Variants in JPH1 observed in about 807,000 individuals in gnomAD.
The protein encoded by JPH1 is junctophilin 1.
JPH1 carries 12 observed loss-of-function variants against 53.6 expected under a neutral mutation model. The observed-to-expected ratio is 0.22, with a 90% CI of 0.14 to 0.36. The LOEUF is 0.36. JPH1 is among the 10% of genes least tolerant of loss of function. The pLI is 1.00. For synonymous variants in JPH1, 375 were observed against 363.8 expected (o/e 1.03, Z -0.35); for missense variants, 808 against 905.5 (o/e 0.89, Z 1.38).
At chr8:74,305,063 G>A (rs1266483640) in intron 2 of JPH1, among the ~76,000 whole-genome samples, 2 of 152,236 alleles carry the variant, frequency 1.3e-5, no homozygotes, top group African/African-American at 4.8e-5. Context: ...AGAGACTGTT[G>A]TACTAAAGCT....
In JPH1 at chr8:74,320,949, C is replaced by T; in HGVS notation, c.339G>A (p.Gly113=). The change falls in exon 1 of 6, where the codon GGG becomes GGA. Residue 113 remains glycine (G), a synonymous_variant. Coordinates refer to ENST00000342232, the MANE Select transcript of JPH1 (RefSeq NM_020647.4). The surrounding 1 kb of genome is among the most constrained non-coding windows in gnomAD (Gnocchi z 4.4). ...TCTCCACGCCGTACCCGTCTTGCAG[C>T]CCGTTACTCCAGGTACCCTCGTAGC... The part of the protein sequence containing the change: ...PARYEGTWSN[G]LQDGYGVETY... 1.2e-6 allele frequency: 2 copies of T among 1,601,244 alleles called. No homozygotes were observed. Among genetic ancestry groups the T allele is most frequent in the South Asian group, 1.1e-5 (1 of 89,298 alleles).
chr8:74,294,197 G>A (rs1430917859), intron 2 of JPH1, among the ~76,000 whole-genome samples: 1 of 152,206 alleles, frequency 6.6e-6, no homozygotes, highest in Non-Finnish European at 1.5e-5. Flanking sequence ...GGACTTCTCT[G>A]TAGCCTGATT....
chr8:74,291,003 T>G (rs1183766948), intron 2 of JPH1, among the ~76,000 whole-genome samples: 1 of 152,184 alleles, frequency 6.6e-6, no homozygotes, highest in African/African-American at 2.4e-5. Flanking sequence ...AAGACTTACA[T>G]GTTAGACCTA....
At chr8:74,300,676 T>C (rs1046173482) in intron 2 of JPH1, among the ~76,000 whole-genome samples, 1 of 152,328 alleles carries the variant, frequency 6.6e-6, no homozygotes, top group South Asian at 2.1e-4. Context: ...AAAAGTAAAA[T>C]GTCAATGTTG....
At chr8:74,238,188 C>T (rs929800009) in intron 4 of JPH1, among the ~76,000 whole-genome samples, 11 of 152,048 alleles carry the variant, frequency 7.2e-5, no homozygotes, top group African/African-American at 2.7e-4. Flanking sequence ...GTTTTATTGT[C>T]CTCATTTTAC....
At chr8:74,314,748 TTAG>T in intron 2 of JPH1, 110 bp downstream of exon 2, 1 of 1,218,692 alleles carries the variant, frequency 8.2e-7, no homozygotes, top group South Asian at 1.3e-5. Flanking sequence ...CTTTGATTTT[TTAG>T]TAGTTGTAGA....
chr8:74,243,950 T>C (rs16938827), intron 4 of JPH1, among the ~76,000 whole-genome samples: 2,131 of 152,316 alleles, frequency 0.014, 66 homozygotes, highest in African/African-American at 0.049. Context: ...AGAAATTCTC[T>C]TGAACTGTTG....
At chr8:74,268,474 G>A (rs1439554812) in intron 2 of JPH1, among the ~76,000 whole-genome samples, 3 of 152,096 alleles carry the variant, frequency 2.0e-5, no homozygotes, top group Admixed American at 6.5e-5. Context: ...TAGAGCCAAT[G>A]GGGGCCTTTG....
intron 2 of JPH1, among the ~76,000 whole-genome samples, chr8:74,304,966 G>C (rs769581602): frequency 8.5e-5 from 13 of 152,250 alleles, no homozygotes; most frequent in Admixed American, 5.9e-4. Flanking sequence ...AGCTTATTTT[G>C]AATTTAGCAT....
chr8:74,289,368 G>A (rs1227897178), intron 2 of JPH1, among the ~76,000 whole-genome samples: 2 of 152,200 alleles, frequency 1.3e-5, no homozygotes, highest in East Asian at 1.9e-4. Context: ...GAGAACAGAC[G>A]GGCTAACATA....
At chr8:74,310,247 T>C (rs1017818584) in intron 2 of JPH1, among the ~76,000 whole-genome samples, 1 of 151,610 alleles carries the variant, frequency 6.6e-6, no homozygotes, top group Admixed American at 6.6e-5. Context: ...ACTCATTTCT[T>C]GAGATATTTA....
chr8:74,243,398 C>G (rs1258907116), intron 4 of JPH1, among the ~76,000 whole-genome samples: 1 of 152,078 alleles, frequency 6.6e-6, no homozygotes, highest in African/African-American at 2.4e-5. Context: ...TTATGTTTAG[C>G]TAATTAAAAA....
At chr8:74,277,005 T>A (rs972573750) in intron 2 of JPH1, among the ~76,000 whole-genome samples, 2 of 152,230 alleles carry the variant, frequency 1.3e-5, no homozygotes, top group Non-Finnish European at 2.9e-5. Flanking sequence ...TTTTTCACAT[T>A]ATTTTACTTA....
intron 3 of JPH1, among the ~76,000 whole-genome samples, chr8:74,246,769 C>T (rs1239006868): frequency 6.6e-6 from 1 of 152,200 alleles, no homozygotes. Flanking sequence ...GAAGATACAT[C>T]CACTCCTGGG....
intron 2 of JPH1, among the ~76,000 whole-genome samples, chr8:74,296,190 A>G (rs1396406792): frequency 6.6e-6 from 1 of 152,202 alleles, no homozygotes; most frequent in Non-Finnish European, 1.5e-5. Context: ...TGTCTTGGTA[A>G]CTGTGCTGGG....
intron 4 of JPH1, among the ~76,000 whole-genome samples, chr8:74,239,545 GTTAAT>G (rs756148785): frequency 1.3e-5 from 2 of 152,134 alleles, no homozygotes; most frequent in African/African-American, 2.4e-5. Flanking sequence ...CTCAATTATG[GTTAAT>G]TTAGAGCATA....
chr8:74,314,568 G>A (rs889017116), intron 2 of JPH1, among the ~76,000 whole-genome samples: 9 of 152,206 alleles, frequency 5.9e-5, no homozygotes, highest in African/African-American at 2.2e-4. Context: ...GGCTCAGGAA[G>A]ATGAGCACAG....
In JPH1 at chr8:74,236,895, G is replaced by T; in HGVS notation, c.*156C>A. On this transcript the variant is annotated 3_prime_UTR_variant, in exon 6 of 6. Transcript: ENST00000342232. Reference sequence around the variant, plus strand: ...CAGGTCCTCTGGCTGAATTTTCCAAGTTTCATCTCTCTCGCGATCCCATCC... The same window carrying T: ...CAGGTCCTCTGGCTGAATTTTCCAATTTTCATCTCTCTCGCGATCCCATCC... The T allele has an allele frequency of 5.0e-6, 1 of 200,312 alleles. No individual in the cohort carries two copies. 12.4% of individuals were successfully genotyped at this position (200,312 alleles called of 1,614,324 possible). A position where few individuals can be genotyped will look rare whatever the true frequency, so the allele number is the denominator to read the frequency against.
At chr8:74,300,614 T>C (rs1191681318) in intron 2 of JPH1, among the ~76,000 whole-genome samples, 56 of 152,248 alleles carry the variant, frequency 3.7e-4, no homozygotes, top group Non-Finnish European at 2.9e-5. Context: ...GTATACAGGA[T>C]GACATTTTCC....
Sources: gnomAD v4.1 joint callset for allele counts (sites outside exome capture counted in the v4.1 genomes callset) on GRCh38, gnomAD v4.1.1 for gene constraint, Gnocchi (gnomAD v3.1) non-coding constraint, MANE v1.5 for transcripts, NCBI Gene and HGNC (gene_info 2026-07-23, HGNC 2026-07-21) for gene names.